Variants in EYS observed in about 807,000 individuals in gnomAD.
EYS encodes EGF-like photoreceptor maintenance factor, also known as protein eyes shut homolog.
A neutral mutation model predicts 282.1 loss-of-function variants in EYS; 250 were observed. That is an observed-to-expected ratio of 0.89 (90% CI 0.80 to 0.98). EYS has a LOEUF of 0.98. EYS is among the 50% of genes least tolerant of loss of function. The pLI is 0.00. For synonymous variants in EYS, 1,355 were observed against 1,282.9 expected, an observed-to-expected ratio of 1.06 and a Z score of -1.20; for missense variants, 4,016 against 3,709.0, an observed-to-expected ratio of 1.08 and a Z score of -2.15.
chr6:65,006,092 T>C (rs1389775419), intron 13 of EYS, among the ~76,000 whole-genome samples: 1 of 152,200 alleles, frequency 6.6e-6, no homozygotes, highest in South Asian at 2.1e-4. Context: ...CTTATCCCTG[T>C]TATCCCTCCT....
rs191144631 is a variant in EYS at position 65,482,778 on chromosome 6, T to G, written c.862+7816A>C. ...ATTGAATGCCATTGCAAAACCTTTT[T>G]AACATCACTCATCTTGGATTCAAAC... On this transcript the variant is annotated intron_variant, in intron 5 of 42. Transcript: ENST00000503581. Among the ~76,000 whole-genome samples the G allele has an allele frequency of 2.0e-3, 308 of 152,312 alleles. 3 individuals carry two copies. Among genetic ancestry groups the G allele is most frequent in the African/African-American group, 7.3e-3 (305 of 41,582 alleles).
chr6:65,397,634 C>G (rs1442057142), intron 7 of EYS, among the ~76,000 whole-genome samples: 2 of 129,512 alleles, frequency 1.5e-5, no homozygotes, highest in Admixed American at 1.6e-4. Context: ...GTGTGTGTAT[C>G]ATGTTTTTAA....
intron 22 of EYS, among the ~76,000 whole-genome samples, chr6:64,787,928 T>G (rs1173250519): frequency 6.6e-6 from 1 of 152,000 alleles, no homozygotes; most frequent in African/African-American, 2.4e-5. Context: ...GTTTCCCTTT[T>G]ACATCATGCC....
chr6:64,979,780 A>G (rs7753240), intron 14 of EYS, among the ~76,000 whole-genome samples: 40,240 of 151,510 alleles, frequency 0.27, 6,666 homozygotes, highest in African/African-American at 0.46. Flanking sequence ...TGTTTAAGCA[A>G]TATAGTCTCC....
At chr6:64,333,020 T>G (rs1561935104) in intron 29 of EYS, among the ~76,000 whole-genome samples, 1 of 152,162 alleles carries the variant, frequency 6.6e-6, no homozygotes, top group Non-Finnish European at 1.5e-5. Context: ...CATCACTGTA[T>G]AGTAGAAGCC....
chr6:63,817,057 T>C (rs1771196907), intron 36 of EYS, among the ~76,000 whole-genome samples: 1 of 152,222 alleles, frequency 6.6e-6, no homozygotes, highest in Non-Finnish European at 1.5e-5. Flanking sequence ...ACTGTCCTGA[T>C]ATAGACTAAA....
intron 30 of EYS, among the ~76,000 whole-genome samples, chr6:64,295,007 T>A (rs1051915988): frequency 2.0e-5 from 3 of 152,074 alleles, no homozygotes; most frequent in African/African-American, 7.2e-5. Context: ...GAACACAGTT[T>A]TACATGAAAG....
intron 26 of EYS, among the ~76,000 whole-genome samples, chr6:64,466,584 T>G (rs1775926392): frequency 6.6e-6 from 1 of 152,184 alleles, no homozygotes; most frequent in Non-Finnish European, 1.5e-5. Context: ...GAATGTTGGT[T>G]AGCAGGGATT....
intron 12 of EYS, among the ~76,000 whole-genome samples, chr6:65,286,474 C>T (rs112309486): frequency 6.6e-6 from 1 of 151,682 alleles, no homozygotes; most frequent in Non-Finnish European, 1.5e-5. Flanking sequence ...TTTAAAAATA[C>T]ATTTCTACAT....
At chr6:64,776,792 T>C (rs909832176) in intron 22 of EYS, among the ~76,000 whole-genome samples, 8 of 152,146 alleles carry the variant, frequency 5.3e-5, no homozygotes, top group Admixed American at 4.6e-4. Context: ...TGACACTTGC[T>C]GAAAATTTTT....
intron 12 of EYS, among the ~76,000 whole-genome samples, chr6:65,253,416 C>A (rs1297269244): frequency 2.0e-5 from 3 of 151,788 alleles, no homozygotes; most frequent in Non-Finnish European, 4.4e-5. Context: ...AATTAAACGC[C>A]CACTGAGGTC....
intron 12 of EYS, among the ~76,000 whole-genome samples, chr6:65,196,731 T>C (rs1443511960): frequency 6.6e-6 from 1 of 152,120 alleles, no homozygotes; most frequent in African/African-American, 2.4e-5. Flanking sequence ...CTTTTAGTGA[T>C]GGTGGTATTA....
intron 31 of EYS, among the ~76,000 whole-genome samples, chr6:64,177,670 A>T (rs1366874487): frequency 6.6e-6 from 1 of 152,140 alleles, no homozygotes; most frequent in Non-Finnish European, 1.5e-5. Context: ...GAGGTGCTGT[A>T]AGAGCCCTGT....
intron 36 of EYS, among the ~76,000 whole-genome samples, chr6:63,832,781 C>T (rs1206684940): frequency 6.6e-6 from 1 of 152,114 alleles, no homozygotes; most frequent in Non-Finnish European, 1.5e-5. Context: ...AATTTTAGAC[C>T]AATATTCCTG....
chr6:64,389,490 G>C (rs1773028818), intron 28 of EYS, among the ~76,000 whole-genome samples: 1 of 152,130 alleles, frequency 6.6e-6, no homozygotes, highest in African/African-American at 2.4e-5. Context: ...TCCAGAGATT[G>C]GCAAACTATA....
At chr6:65,541,785 A>T (rs1025919422) in intron 2 of EYS, among the ~76,000 whole-genome samples, 2 of 152,044 alleles carry the variant, frequency 1.3e-5, no homozygotes, top group Non-Finnish European at 2.9e-5. Flanking sequence ...TAGATATATA[A>T]GCTATCTCTT....
intron 37 of EYS, among the ~76,000 whole-genome samples, chr6:63,796,132 C>T (rs187281459): frequency 9.2e-5 from 14 of 152,284 alleles, no homozygotes; most frequent in East Asian, 3.9e-4. Context: ...GAGGCACACC[C>T]GTCCTGCTGT....
intron 11 of EYS, among the ~76,000 whole-genome samples, chr6:65,322,795 C>CAAAA (rs57571912): frequency 1.0e-3 from 75 of 71,584 alleles, no homozygotes; most frequent in African/African-American, 3.4e-3. Flanking sequence ...GAATCCGTCT[C>CAAAA]AAAAAAAAAA....
At chr6:64,043,727 A>ATACTCT (rs1239173505) in intron 33 of EYS, among the ~76,000 whole-genome samples, 1 of 152,152 alleles carries the variant, frequency 6.6e-6, no homozygotes, top group Non-Finnish European at 1.5e-5. Context: ...ATACTCTCTA[A>ATACTCT]CACTGTTTTG....
Sources: allele counts gnomAD v4.1 joint callset (sites outside exome capture counted in the v4.1 genomes callset), GRCh38; gene constraint gnomAD v4.1.1; transcripts MANE v1.5; gene names NCBI Gene and HGNC (gene_info 2026-07-23, HGNC 2026-07-21).